Variants in STX5 observed in about 807,000 individuals in gnomAD.
The protein encoded by STX5 is syntaxin 5.
Under a neutral mutation model 42.9 loss-of-function variants are expected in STX5, and 15 were observed. The ratio of observed to expected loss-of-function variants is 0.35; its 90% confidence interval spans 0.23 to 0.54. The LOEUF (loss-of-function observed/expected upper bound fraction) is 0.54. STX5 is among the 20% of genes least tolerant of loss of function. The pLI, the probability that STX5 is intolerant of heterozygous loss-of-function variation, is 0.91. For synonymous variants in STX5, 184 were observed against 173.2 expected (o/e 1.06, Z -0.49); for missense variants, 430 against 455.0 (o/e 0.95, Z 0.50).
chr11:62,828,483 T>C (rs1238031382), intron 2 of STX5, among the ~76,000 whole-genome samples: 1 of 151,976 alleles, frequency 6.6e-6, no homozygotes, highest in Non-Finnish European at 1.5e-5. Flanking sequence ...TCCCAGCACT[T>C]TGGAAAGCTG....
rs555653833 is a variant in STX5 at position 62,806,984 on chromosome 11, G to C, written c.*485C>G. On this transcript the variant is annotated 3_prime_UTR_variant, in exon 11 of 11. Coordinates refer to ENST00000294179, the MANE Select transcript of STX5 (RefSeq NM_003164.5). ...TCACCAGCAGCCAATGTCAGGGGTT[G>C]TGCAGGCAGCTGAAGGGCTCAGGGC... is the stretch of plus-strand genomic sequence containing the variant. 1 of 154,348 alleles carries C rather than the reference G, an allele frequency of 6.5e-6. No homozygotes were observed. The highest frequency in any genetic ancestry group is 2.4e-5 in the African/African-American group (1 of 41,582). The allele number at this position is 154,348 out of a possible 1,614,324, so 9.6% of individuals were successfully genotyped here.
Position 62,807,364 on chromosome 11 carries a change from G to C in STX5, c.*105C>G. On this transcript the variant is annotated 3_prime_UTR_variant, in exon 11 of 11. Transcript: ENST00000294179. ...CATTCTTAGCAGTTCCAGGGAAACA[G>C]GGCCTTTCTCCCAAGTACCCTGCAC... 6.8e-7 allele frequency: 1 copy of C among 1,478,308 alleles called. No homozygotes were observed. The highest frequency in any genetic ancestry group is 1.4e-5 in the African/African-American group (1 of 70,864). The allele number at this position is 1,478,308 out of a possible 1,614,324, so 91.6% of individuals were successfully genotyped here. A position where few individuals can be genotyped will look rare whatever the true frequency, so the allele number is the denominator to read the frequency against.
chr11:62,831,023 C>T lies in STX5; in HGVS notation c.221G>A (p.Arg74His). Residue 74 changes from arginine to histidine, a missense_variant, in exon 2 of 11, where the codon CGT becomes CAT. Transcript: ENST00000294179. ...FLSACKSLQT[R>H]QNGIQTNKPA... ...TTTTCCACTCCAGGTCCTTACCTGACGGGTCTGCAGCGACTTGCAGGCAGA... is the reference window on the plus strand; with the variant it reads ...TTTTCCACTCCAGGTCCTTACCTGATGGGTCTGCAGCGACTTGCAGGCAGA... 7 of 1,550,214 alleles carry T rather than the reference C, an allele frequency of 4.5e-6. No homozygotes were observed. Among genetic ancestry groups the T allele is most frequent in the South Asian group, 1.2e-5 (1 of 84,024 alleles).
At chr11:62,823,318 G>A (rs1350009557) in intron 10 of STX5, among the ~76,000 whole-genome samples, 4 of 151,804 alleles carry the variant, frequency 2.6e-5, no homozygotes, top group African/African-American at 9.7e-5. Flanking sequence ...GGAACCACAG[G>A]CACACGCAAC....
At chr11:62,829,009 A>C (rs1423275701) in intron 2 of STX5, among the ~76,000 whole-genome samples, 2 of 151,156 alleles carry the variant, frequency 1.3e-5, no homozygotes, top group African/African-American at 2.4e-5. Context: ...GCTGCAGTGA[A>C]CCCAGATCAC....
Position 62,824,216 on chromosome 11 carries a change from G to T in STX5, c.858C>A (p.Ile286=). The T allele has an allele frequency of 6.2e-7, 1 of 1,614,212 alleles. No individual in the cohort carries two copies. The highest frequency in any genetic ancestry group is 1.3e-5 in the African/African-American group (1 of 75,056). The change falls in exon 10 of 11, where the codon ATC becomes ATA. Residue 286 remains isoleucine (I), a synonymous_variant. Transcript: ENST00000294179. The part of the protein sequence containing the change: ...IESTIVELGS[I]FQQLAHMVKE... The stretch of plus-strand genomic sequence containing the variant: ...TAACCATGTGTGCCAACTGCTGAAA[G>T]ATGGAGCCCAACTCAACAATTGTCG...
intron 1 of STX5, 150 bp from the exon 2 acceptor site, chr11:62,831,412 G>C: frequency 1.4e-6 from 1 of 691,348 alleles, no homozygotes; most frequent in South Asian, 1.6e-5. Flanking sequence ...CGGACCAGCA[G>C]CGGAAAGGGC....
At chr11:62,828,056 C>T (rs1362677362) in intron 2 of STX5, among the ~76,000 whole-genome samples, 1 of 150,676 alleles carries the variant, frequency 6.6e-6, no homozygotes, top group African/African-American at 2.5e-5. Context: ...AGGATGATTG[C>T]AAAGCTCTTG....
Position 62,824,481 on chromosome 11 carries a change from T to C in STX5, c.764A>G (p.Gln255Arg), listed in dbSNP as rs768507062. ...TACCTGCTCGTCAATGAGCTGCAGC[T>C]GCTGGCTGGTCCGAGAGTCCATCAT... The part of the protein sequence containing the change: ...IDMMDSRTSQ[Q>R]LQLIDEQDSY... The change falls in exon 9 of 11, where the codon CAG becomes CGG. Residue 255 changes from glutamine to arginine, a missense_variant. Gln to Arg is a conservative substitution (Grantham distance 43). Coordinates refer to ENST00000294179, the MANE Select transcript of STX5 (RefSeq NM_003164.5). The C allele has an allele frequency of 1.9e-6, 3 of 1,614,050 alleles. No individual in the cohort carries two copies. In the African/African-American group the frequency reaches 4.0e-5, roughly 22 times the overall value.
chr11:62,809,156 C>T (rs953320112), intron 10 of STX5, among the ~76,000 whole-genome samples: 6 of 151,650 alleles, frequency 4.0e-5, no homozygotes, highest in South Asian at 4.2e-4. Context: ...GGCATGGTGG[C>T]GGGCACCTGT....
At chr11:62,813,447 GT>G (rs1211630215) in intron 10 of STX5, among the ~76,000 whole-genome samples, 2 of 152,108 alleles carry the variant, frequency 1.3e-5, no homozygotes, top group African/African-American at 4.8e-5. Context: ...TATGGAATTT[GT>G]AAAAATGAAG....
chr11:62,812,490 C>T (rs1436098314), intron 10 of STX5, among the ~76,000 whole-genome samples: 5 of 151,888 alleles, frequency 3.3e-5, no homozygotes, highest in African/African-American at 9.7e-5. Flanking sequence ...GTGATCTGGG[C>T]TCACTGCAAG....
chr11:62,807,288 G>T lies in STX5; in HGVS notation c.*181C>A. 1 of 859,418 alleles carries T rather than the reference G, an allele frequency of 1.2e-6. No individual in the cohort carries two copies. The highest frequency in any genetic ancestry group is 1.9e-5 in the South Asian group (1 of 52,486). The allele number at this position is 859,418 out of a possible 1,614,324, so 53.2% of individuals were successfully genotyped here. On this transcript the variant is annotated 3_prime_UTR_variant, in exon 11 of 11. Coordinates refer to ENST00000294179, the MANE Select transcript of STX5 (RefSeq NM_003164.5). The stretch of plus-strand genomic sequence containing the variant: ...TGTTTCATAGGCCTGAGGGTGGTGG[G>T]GGGAGGACAGGGTGGCCAGAGGCAA...
Position 62,827,014 on chromosome 11 carries a change from C to T in STX5, c.423+141G>A, listed in dbSNP as rs1355130598. 10 of 697,986 alleles carry T rather than the reference C, an allele frequency of 1.4e-5. No homozygotes were observed. The East Asian group carries it at 2.4e-4, about 17-fold the overall frequency. 43.2% of individuals were successfully genotyped at this position (697,986 alleles called of 1,614,324 possible). A position where few individuals can be genotyped will look rare whatever the true frequency, so the allele number is the denominator to read the frequency against. ...TGCAGTGAGCTAGGTCACACCACTA[C>T]ACTCCAGACTGGTCAACACAGTGAG... is the stretch of plus-strand genomic sequence containing the variant. On this transcript the variant is annotated intron_variant, in intron 5 of 10. Transcript: ENST00000294179.
rs533600636 is a variant in STX5 at position 62,824,079 on chromosome 11, G to A, written c.908+87C>T. ...GCAGAATTCACTCTATCTTCCAAAA[G>A]GCATCAAGCAGTCCCTGGGGACTTT... is the stretch of plus-strand genomic sequence containing the variant. On this transcript the variant is annotated intron_variant, in intron 10 of 10. Transcript: ENST00000294179. 5.0e-6 allele frequency: 8 copies of A among 1,586,298 alleles called. No homozygotes were observed. The East Asian group carries it at 1.8e-4, about 36-fold the overall frequency.
At chr11:62,825,371 A>G (rs940425653) in intron 6 of STX5, 32 bp from the exon 7 acceptor site, 1 of 1,614,152 alleles carries the variant, frequency 6.2e-7, no homozygotes, top group Non-Finnish European at 8.5e-7. Flanking sequence ...TCAACCAAAG[A>G]AGGCTCCACA....
chr11:62,825,567 AG>A, intron 5 of STX5, 28 bp from the exon 6 acceptor site: 7 of 1,602,514 alleles, frequency 4.4e-6, no homozygotes, highest in Non-Finnish European at 6.0e-6. Flanking sequence ...GGAAAAACAA[AG>A]TATTAGCCAA....
chr11:62,812,259 T>C lies in STX5; in HGVS notation c.909-4631A>G, dbSNP rs544196562. 4.0e-4 allele frequency among the ~76,000 whole-genome samples: 61 copies of C among 151,692 alleles called. 1 individual carries two copies. The South Asian group carries it at 0.012, about 29-fold the overall frequency. ...TGCCTGGCTAATTTTGTATTTTTAG[T>C]AGAGACAGGGTTTCTCCATGTTGGT... On this transcript the variant is annotated intron_variant, in intron 10 of 10. Coordinates refer to ENST00000294179, the MANE Select transcript of STX5 (RefSeq NM_003164.5).
chr11:62,807,417 C>T lies in STX5; in HGVS notation c.*52G>A. On this transcript the variant is annotated 3_prime_UTR_variant, in exon 11 of 11. Transcript: ENST00000294179. ...GCTCAGTGGCAGCACTGGCCACTTG[C>T]CTTCCCAGGAGGGTCCCAAACCCCA... is the stretch of plus-strand genomic sequence containing the variant. 1 of 1,591,378 alleles carries T rather than the reference C, an allele frequency of 6.3e-7. No individual in the cohort carries two copies. Among genetic ancestry groups the T allele is most frequent in the Non-Finnish European group, 8.6e-7 (1 of 1,166,598 alleles).
Sources: allele counts gnomAD v4.1 joint callset (sites outside exome capture counted in the v4.1 genomes callset), GRCh38; gene constraint gnomAD v4.1.1; transcripts MANE v1.5; gene names NCBI Gene and HGNC (gene_info 2026-07-23, HGNC 2026-07-21).